Variants in PLCB1 observed in about 807,000 individuals in gnomAD.
PLCB1 encodes the protein 1-phosphatidylinositol 4,5-bisphosphate phosphodiesterase beta-1.
Under a neutral mutation model 161.8 loss-of-function variants are expected in PLCB1, and 46 were observed. The observed-to-expected ratio is 0.28, with a 90% confidence interval of 0.22 to 0.36. PLCB1 has a LOEUF of 0.36. Among genes scored for constraint, PLCB1 ranks in the 10% least tolerant of loss-of-function variants. PLCB1 has a pLI of 1.00. For synonymous variants in PLCB1, 517 were observed against 503.7 expected (o/e 1.03, Z -0.35); for missense variants, 1,016 against 1,472.5 (o/e 0.69, Z 5.07).
chr20:8,325,605 A>G (rs983010872), intron 2 of PLCB1, among the ~76,000 whole-genome samples: 4 of 152,180 alleles, frequency 2.6e-5, no homozygotes, highest in African/African-American at 7.2e-5. Context: ...ACAGCCAGCC[A>G]TTTAATCATT....
chr20:8,623,744 TAGA>T lies in PLCB1; in HGVS notation c.247-4545_247-4543del, dbSNP rs1328563096. 2.0e-5 allele frequency: 3 copies of T among 152,342 alleles called. No individual in the cohort carries two copies. The East Asian group carries it at 5.8e-4, about 29-fold the overall frequency. 9.4% of individuals were successfully genotyped at this position (152,342 alleles called of 1,614,324 possible). ...CATCCTCCGAGTCTTTTGCTCTATT[TAGA>T]AGAATATTCACAGCACCATATTTCA... On this transcript the variant is annotated intron_variant, in intron 3 of 31. Coordinates refer to ENST00000338037, the MANE Select transcript of PLCB1 (RefSeq NM_015192.4).
intron 3 of PLCB1, among the ~76,000 whole-genome samples, chr20:8,565,231 A>G (rs1986288698): frequency 6.6e-6 from 1 of 152,106 alleles, no homozygotes; most frequent in African/African-American, 2.4e-5. Flanking sequence ...GCAAACTAAC[A>G]CAAGAACAGA....
chr20:8,490,836 A>G lies in PLCB1; in HGVS notation c.246+119386A>G, dbSNP rs866132880. Among the ~76,000 whole-genome samples, 19 of 150,710 alleles carry G rather than the reference A, an allele frequency of 1.3e-4. No individual in the cohort carries two copies. In the South Asian group the frequency reaches 3.8e-3, roughly 30 times the overall value. ...TTTCTTTTCTTATTTTCAGATTTTG[A>G]GAGTTGTTGGCTCATATATATAGGC... On this transcript the variant is annotated intron_variant, in intron 3 of 31. Coordinates refer to ENST00000338037, the MANE Select transcript of PLCB1 (RefSeq NM_015192.4).
At chr20:8,247,608 A>G (rs1052812157) in intron 2 of PLCB1, among the ~76,000 whole-genome samples, 1 of 151,592 alleles carries the variant, frequency 6.6e-6, no homozygotes, top group Non-Finnish European at 1.5e-5. Context: ...AACTTAGACA[A>G]TTTAATACAG....
intron 4 of PLCB1, among the ~76,000 whole-genome samples, chr20:8,635,694 G>A (rs1177145575): frequency 2.0e-5 from 3 of 152,128 alleles, no homozygotes; most frequent in Non-Finnish European, 4.4e-5. Context: ...TCAGGATAAG[G>A]AAATGAGAGA....
intron 3 of PLCB1, among the ~76,000 whole-genome samples, chr20:8,443,695 G>T (rs1377624291): frequency 6.6e-6 from 1 of 152,164 alleles, no homozygotes; most frequent in African/African-American, 2.4e-5. Flanking sequence ...AGCATGAAAT[G>T]GTTATTTGGT....
intron 23 of PLCB1, among the ~76,000 whole-genome samples, chr20:8,750,588 T>C (rs944333198): frequency 6.6e-6 from 1 of 152,202 alleles, no homozygotes; most frequent in Non-Finnish European, 1.5e-5. Context: ...AACATCAGTA[T>C]ACTTCACTCC....
intron 9 of PLCB1, among the ~76,000 whole-genome samples, chr20:8,672,435 A>G (rs79400753): frequency 0.012 from 1,676 of 141,680 alleles, 17 homozygotes; most frequent in Middle Eastern, 0.034. Context: ...ATGTGTAAGC[A>G]TGGCCTGCCA....
intron 3 of PLCB1, among the ~76,000 whole-genome samples, chr20:8,532,834 C>A (rs981271595): frequency 6.6e-6 from 1 of 151,802 alleles, no homozygotes; most frequent in Non-Finnish European, 1.5e-5. Flanking sequence ...GGAGGAAATG[C>A]AATTTTTTTT....
At chr20:8,696,979 C>T (rs911174527) in intron 10 of PLCB1, among the ~76,000 whole-genome samples, 1 of 152,274 alleles carries the variant, frequency 6.6e-6, no homozygotes, top group Non-Finnish European at 1.5e-5. Flanking sequence ...GTGATCCGCT[C>T]GCCTCAGCCT....
chr20:8,482,143 C>T (rs6077363), intron 3 of PLCB1, among the ~76,000 whole-genome samples: 71,290 of 133,552 alleles, frequency 0.53, 18,705 homozygotes, highest in East Asian at 0.69. Flanking sequence ...CTCGCTCTGT[C>T]GCCAGGCTGG....
intron 2 of PLCB1, among the ~76,000 whole-genome samples, chr20:8,283,807 A>T (rs981237942): frequency 6.6e-6 from 1 of 152,056 alleles, no homozygotes; most frequent in African/African-American, 2.4e-5. Context: ...TATTGTTTTG[A>T]TATCTATTTC....
At chr20:8,630,245 C>T (rs1988544987) in intron 4 of PLCB1, among the ~76,000 whole-genome samples, 1 of 151,912 alleles carries the variant, frequency 6.6e-6, no homozygotes, top group Non-Finnish European at 1.5e-5. Flanking sequence ...TGCCACCATG[C>T]CCAGCTAATT....
intron 3 of PLCB1, among the ~76,000 whole-genome samples, chr20:8,484,432 G>A (rs1313859967): frequency 1.3e-5 from 2 of 149,862 alleles, no homozygotes; most frequent in Admixed American, 1.3e-4. Flanking sequence ...TGTGATCTTG[G>A]CTTACAGCAA....
At chr20:8,523,486 C>CCATATATATATATATATA (rs1341360626) in intron 3 of PLCB1, among the ~76,000 whole-genome samples, 1 of 61,184 alleles carries the variant, frequency 1.6e-5, no homozygotes, top group African/African-American at 9.0e-5. Flanking sequence ...CTCTCTCTCT[C>CCATATATATATATATATA]TCTCTCTCTC....
At chr20:8,408,814 C>G (rs1978902796) in intron 3 of PLCB1, among the ~76,000 whole-genome samples, 1 of 152,166 alleles carries the variant, frequency 6.6e-6, no homozygotes, top group African/African-American at 2.4e-5. Flanking sequence ...CATTCGGCAG[C>G]CTTTCTGCCC....
chr20:8,639,638 T>C (rs955373690), intron 4 of PLCB1, among the ~76,000 whole-genome samples: 10 of 152,226 alleles, frequency 6.6e-5, no homozygotes, highest in African/African-American at 2.4e-4. Context: ...CTAAGGACAT[T>C]GGAAAATGGA....
intron 2 of PLCB1, among the ~76,000 whole-genome samples, chr20:8,232,253 AG>A (rs911982662): frequency 6.6e-6 from 1 of 151,764 alleles, no homozygotes; most frequent in Non-Finnish European, 1.5e-5. Flanking sequence ...GAGAGAGAAA[AG>A]ATCATGCTTT....
Position 8,882,149 on chromosome 20 carries a change from G to A in PLCB1, c.*300G>A. ...AGGCTCCATGGAACTTTTAATGAAG[G>A]ACAGTGTCTTCTTTGAAGAAAATCA... On this transcript the variant is annotated 3_prime_UTR_variant, in exon 32 of 32. Coordinates refer to ENST00000338037, the MANE Select transcript of PLCB1 (RefSeq NM_015192.4). 1 of 300,752 alleles carries A rather than the reference G, an allele frequency of 3.3e-6. No individual in the cohort carries two copies. Among genetic ancestry groups the A allele is most frequent in the Non-Finnish European group, 6.2e-6 (1 of 161,212 alleles). The allele number at this position is 300,752 out of a possible 1,614,324, so 18.6% of individuals were successfully genotyped here. A position where few individuals can be genotyped will look rare whatever the true frequency, so the allele number is the denominator to read the frequency against.
Sources: allele counts gnomAD v4.1 joint callset (sites outside exome capture counted in the v4.1 genomes callset), GRCh38; gene constraint gnomAD v4.1.1; transcripts MANE v1.5; gene names NCBI Gene and HGNC (gene_info 2026-07-23, HGNC 2026-07-21).